The following SULF1 variants were observed in gnomAD, a reference collection of about 807,000 sequenced individuals.
SULF1 encodes the protein sulfatase 1, also known as extracellular sulfatase Sulf-1.
SULF1 carries 46 observed loss-of-function variants against 110.5 expected under a neutral mutation model. That is an observed-to-expected ratio of 0.42 (90% confidence interval 0.33 to 0.53). The LOEUF (loss-of-function observed/expected upper bound fraction) is 0.53. SULF1 is among the 20% of genes least tolerant of loss of function. The pLI is 0.12. For missense variants in SULF1, 941 were observed against 1,094.2 expected, an observed-to-expected ratio of 0.86 and a Z score of 1.98; for synonymous variants, 371 against 387.1, an observed-to-expected ratio of 0.96 and a Z score of 0.49.
intron 6 of SULF1, among the ~76,000 whole-genome samples, chr8:69,579,603 T>C (rs1805922486): frequency 6.7e-6 from 1 of 150,306 alleles, no homozygotes; most frequent in Non-Finnish European, 1.5e-5. Flanking sequence ...ATGGCAGTGA[T>C]AGAGATCTCT....
chr8:69,647,495 T>A (rs1812010200), intron 22 of SULF1, among the ~76,000 whole-genome samples: 1 of 152,186 alleles, frequency 6.6e-6, no homozygotes, highest in Non-Finnish European at 1.5e-5. Context: ...TTCCTACAAT[T>A]CATCCATAAA....
At chr8:69,521,820 T>G in intron 3 of SULF1, among the ~76,000 whole-genome samples, 1 of 146,940 alleles carries the variant, frequency 6.8e-6, no homozygotes. Flanking sequence ...ATGTTGTGGG[T>G]AGATGATAGA....
chr8:69,537,267 C>T (rs908822327), intron 3 of SULF1, among the ~76,000 whole-genome samples: 8 of 152,148 alleles, frequency 5.3e-5, no homozygotes, highest in African/African-American at 1.9e-4. Flanking sequence ...ATCTGGTACA[C>T]AGTAGGGCCT....
intron 3 of SULF1, among the ~76,000 whole-genome samples, chr8:69,538,524 C>T (rs1443968474): frequency 6.6e-6 from 1 of 152,112 alleles, no homozygotes; most frequent in African/African-American, 2.4e-5. Context: ...CTGAAAGCAC[C>T]TGTCTGGAAG....
At chr8:69,501,604 G>T (rs1392459513) in intron 2 of SULF1, among the ~76,000 whole-genome samples, 2 of 152,192 alleles carry the variant, frequency 1.3e-5, no homozygotes, top group Admixed American at 1.3e-4. Context: ...ATGAAATCCA[G>T]TCAAAGAATG....
At chr8:69,552,787 T>C (rs950055228) in intron 3 of SULF1, among the ~76,000 whole-genome samples, 4 of 152,230 alleles carry the variant, frequency 2.6e-5, no homozygotes, top group African/African-American at 9.6e-5. Flanking sequence ...ATAGAAACAA[T>C]CTTGAATTAT....
Position 69,468,740 on chromosome 8 carries a change from A to G in SULF1, c.-391+1790A>G, listed in dbSNP as rs151033063. Among the ~76,000 whole-genome samples the G allele has an allele frequency of 3.9e-4, 60 of 152,370 alleles. 1 individual carries two copies. Among genetic ancestry groups the G allele is most frequent in the African/African-American group, 1.4e-3 (57 of 41,596 alleles). Reference sequence around the variant, plus strand: ...ACTACATGGACAGCATATAGCATGCATGGTGCTAACTACCAATACCATTTT... The same window carrying G: ...ACTACATGGACAGCATATAGCATGCGTGGTGCTAACTACCAATACCATTTT... On this transcript the variant is annotated intron_variant, in intron 1 of 22. Coordinates refer to the SULF1 transcript ENST00000260128.
At position 69,586,344 on chromosome 8, in the gene SULF1, T is replaced by C. The variant is rs1806459076; in HGVS notation, c.413-13T>C. On this transcript the variant is annotated splice_polypyrimidine_tract_variant and intron_variant, in intron 6 of 22. Coordinates refer to ENST00000402687, the MANE Select transcript of SULF1 (RefSeq NM_001128205.2). ...TTTTACGTGAAAAAAATAATTCTTT[T>C]TTCCCACTGCAGCCTTTTTTGGAAA... is the stretch of plus-strand genomic sequence containing the variant. The C allele has an allele frequency of 1.9e-6, 3 of 1,549,230 alleles. No homozygotes were observed. Among genetic ancestry groups the C allele is most frequent in the African/African-American group, 2.8e-5 (2 of 71,774 alleles).
chr8:69,557,618 T>G (rs1208556263), intron 3 of SULF1, among the ~76,000 whole-genome samples: 1 of 152,030 alleles, frequency 6.6e-6, no homozygotes, highest in Admixed American at 6.6e-5. Context: ...TTAAGTTTAT[T>G]TATTTCTATG....
intron 22 of SULF1, among the ~76,000 whole-genome samples, chr8:69,644,610 C>T (rs571640797): frequency 6.6e-6 from 1 of 150,992 alleles, no homozygotes; most frequent in African/African-American, 2.4e-5. Flanking sequence ...CCCGTCTGTA[C>T]TAAAAATACA....
At position 69,627,959 on chromosome 8, in the gene SULF1, T is replaced by C; in HGVS notation, c.2042+93T>C. 3 of 981,506 alleles carry C rather than the reference T, an allele frequency of 3.1e-6. No individual in the cohort carries two copies. The East Asian group carries it at 7.2e-5, about 23-fold the overall frequency. 60.8% of individuals were successfully genotyped at this position (981,506 alleles called of 1,614,324 possible). On this transcript the variant is annotated intron_variant, in intron 17 of 22. Coordinates refer to ENST00000402687, the MANE Select transcript of SULF1 (RefSeq NM_001128205.2). ...TGGGCTCATTTTTCTCTCTTACCTA[T>C]AGAATGTATTGTCATAGAGTACGAT... is the stretch of plus-strand genomic sequence containing the variant.
At chr8:69,473,807 C>T (rs1809192544) in intron 1 of SULF1, among the ~76,000 whole-genome samples, 1 of 152,172 alleles carries the variant, frequency 6.6e-6, no homozygotes. Flanking sequence ...ACTGCTGTAA[C>T]CAGATGCTAG....
intron 1 of SULF1, among the ~76,000 whole-genome samples, chr8:69,476,118 C>T (rs888699103): frequency 6.6e-6 from 1 of 152,130 alleles, no homozygotes; most frequent in African/African-American, 2.4e-5. Context: ...GTTGCCTATG[C>T]TCACAAACCT....
rs368550157 is a variant in SULF1 at position 69,613,302 on chromosome 8, GT to G, written c.1378-7717del. On this transcript the variant is annotated intron_variant, in intron 13 of 22. Coordinates refer to ENST00000402687, the MANE Select transcript of SULF1 (RefSeq NM_001128205.2). ...AGGTAATGTGATGCCTACAGATTTG[GT>G]TTTTTTTTTTTTTTTGCTTAATATT... Among the ~76,000 whole-genome samples the G allele has an allele frequency of 1.7e-3, 184 of 111,134 alleles. 1 individual carries two copies. The highest frequency in any genetic ancestry group is 5.2e-3 in the Middle Eastern group (1 of 192). The allele number at this position is 111,134 out of a possible 152,430, so 72.9% of individuals were successfully genotyped here.
At chr8:69,501,640 C>T (rs543249788) in intron 2 of SULF1, among the ~76,000 whole-genome samples, 1 of 152,200 alleles carries the variant, frequency 6.6e-6, no homozygotes, top group East Asian at 1.9e-4. Flanking sequence ...AATGGAAAGT[C>T]TTTTCCTTGT....
intron 13 of SULF1, among the ~76,000 whole-genome samples, chr8:69,620,200 C>T (rs768159200): frequency 7.2e-5 from 11 of 152,148 alleles, no homozygotes; most frequent in Non-Finnish European, 1.0e-4. Context: ...TCAGACGTTC[C>T]TCTTCTGTCT....
chr8:69,537,992 G>A (rs1303434064), intron 3 of SULF1, among the ~76,000 whole-genome samples: 1 of 144,382 alleles, frequency 6.9e-6, no homozygotes, highest in African/African-American at 2.6e-5. Flanking sequence ...ACGGAGTCTC[G>A]CTCTTTCACC....
chr8:69,659,033 T>C lies in SULF1; in HGVS notation c.*498T>C, dbSNP rs1213865579. On this transcript the variant is annotated 3_prime_UTR_variant, in exon 23 of 23. Coordinates refer to ENST00000402687, the MANE Select transcript of SULF1 (RefSeq NM_001128205.2). ...GAAACCGATTTCAGTGGCGATGGCA[T>C]GACAGAGCTAGAGCTCGGGCCCAGC... 4.4e-6 allele frequency: 2 copies of C among 457,030 alleles called. No individual in the cohort carries two copies. The highest frequency in any genetic ancestry group is 8.8e-6 in the Non-Finnish European group (2 of 227,110). 28.3% of individuals were successfully genotyped at this position (457,030 alleles called of 1,614,324 possible). A position where few individuals can be genotyped will look rare whatever the true frequency, so the allele number is the denominator to read the frequency against.
chr8:69,467,645 G>A (rs1808911011), intron 1 of SULF1, among the ~76,000 whole-genome samples: 1 of 152,218 alleles, frequency 6.6e-6, no homozygotes, highest in African/African-American at 2.4e-5. Flanking sequence ...TTGATTTGCA[G>A]ATCTGTTTGT....
Sources: gnomAD v4.1 joint callset for allele counts (sites outside exome capture counted in the v4.1 genomes callset) on GRCh38, gnomAD v4.1.1 for gene constraint, MANE v1.5 for transcripts, NCBI Gene and HGNC (gene_info 2026-07-23, HGNC 2026-07-21) for gene names.